The following DNAH6 variants were observed in gnomAD, a reference collection of about 807,000 sequenced individuals.
DNAH6 encodes the protein axonemal beta dynein heavy chain 6.
A neutral mutation model predicts 491.4 loss-of-function variants in DNAH6; 340 were observed. The observed-to-expected ratio is 0.69, with a 90% confidence interval of 0.63 to 0.76. The LOEUF (loss-of-function observed/expected upper bound fraction) is 0.76, where lower values mean the gene tolerates loss of function less well. Among genes scored for constraint, DNAH6 ranks in the 30% least tolerant of loss-of-function variants. The pLI is 0.00. For synonymous variants in DNAH6, 1,603 were observed against 1,686.1 expected, an observed-to-expected ratio of 0.95 and a Z score of 1.21; for missense variants, 4,443 against 4,972.2, an observed-to-expected ratio of 0.89 and a Z score of 3.20.
the DNAH6 span, among the ~76,000 whole-genome samples, chr2:84,509,037 A>G: frequency 3.3e-5 from 5 of 152,126 alleles, no homozygotes; most frequent in African/African-American, 1.2e-4. Flanking sequence ...AGAAGAATGT[A>G]TATTCTGTTG....
chr2:84,578,204 T>A (rs1276372472), intron 13 of DNAH6, among the ~76,000 whole-genome samples: 2 of 152,120 alleles, frequency 1.3e-5, no homozygotes, highest in Non-Finnish European at 2.9e-5. Flanking sequence ...GTGCTAGTAT[T>A]TTCTGTTATT....
At chr2:84,746,562 G>A (rs1672996338) in intron 63 of DNAH6, among the ~76,000 whole-genome samples, 1 of 152,144 alleles carries the variant, frequency 6.6e-6, no homozygotes, top group African/African-American at 2.4e-5. Context: ...GATTTGATTG[G>A]TGAGTTTCAG....
intron 15 of DNAH6, among the ~76,000 whole-genome samples, chr2:84,586,055 A>G (rs1683507507): frequency 6.6e-6 from 1 of 152,212 alleles, no homozygotes; most frequent in African/African-American, 2.4e-5. Context: ...AGATCAGAGA[A>G]GATCAAAGAA....
At chr2:84,743,529 A>G (rs146917572) in intron 62 of DNAH6, among the ~76,000 whole-genome samples, 2 of 152,222 alleles carry the variant, frequency 1.3e-5, no homozygotes, top group Non-Finnish European at 2.9e-5. Context: ...TATTTAAAAT[A>G]TACATTATTA....
At chr2:84,775,833 G>A (rs992096999) in intron 64 of DNAH6, among the ~76,000 whole-genome samples, 1 of 151,988 alleles carries the variant, frequency 6.6e-6, no homozygotes, top group African/African-American at 2.4e-5. Flanking sequence ...AGGATCTTTT[G>A]TATTTCTGTA....
intron 31 of DNAH6, among the ~76,000 whole-genome samples, chr2:84,638,398 A>C (rs1392714023): frequency 3.3e-5 from 5 of 152,028 alleles, no homozygotes; most frequent in Non-Finnish European, 7.4e-5. Flanking sequence ...CAGCTCAGTG[A>C]ATTCTTACAC....
the DNAH6 span, among the ~76,000 whole-genome samples, chr2:84,493,855 G>A: frequency 6.6e-6 from 1 of 152,214 alleles, no homozygotes; most frequent in African/African-American, 2.4e-5. Flanking sequence ...AAGGATAACT[G>A]ATATGAAACT....
Position 84,701,346 on chromosome 2 carries a change from T to C in DNAH6, c.8061+7T>C. On this transcript the variant is annotated splice_region_variant and intron_variant, in intron 49 of 76. Coordinates refer to ENST00000389394, the MANE Select transcript of DNAH6 (RefSeq NM_001370.2). Reference sequence around the variant, plus strand: ...AAGGAAGCAGATTATTTCAGTAGGTTCAATATTATCCATGAAAATATTGTT... The same window carrying C: ...AAGGAAGCAGATTATTTCAGTAGGTCCAATATTATCCATGAAAATATTGTT... The C allele has an allele frequency of 6.5e-7, 1 of 1,540,384 alleles. No individual in the cohort carries two copies. Among genetic ancestry groups the C allele is most frequent in the Non-Finnish European group, 8.8e-7 (1 of 1,138,626 alleles).
At position 84,706,953 on chromosome 2, in the gene DNAH6, G is replaced by A. The variant is rs1245798010; in HGVS notation, c.8785G>A (p.Val2929Ile). 6.5e-7 allele frequency: 1 copy of A among 1,544,754 alleles called. No individual in the cohort carries two copies. The highest frequency in any genetic ancestry group is 8.7e-7 in the Non-Finnish European group (1 of 1,145,718). ...AGAAAAGCAAGCATTACTAAGACAA[G>A]TAGAAGATCAAATACAGGCCTTACA... ...LREKQALLRQVEDQIQALQDE... is the reference protein window; with the variant it reads ...LREKQALLRQIEDQIQALQDE... The change falls in exon 53 of 77, where the codon GTA becomes ATA. Residue 2929 changes from valine to isoleucine, a missense_variant. By Grantham distance (29) the Val-to-Ile change is conservative (BLOSUM62 3). Transcript: ENST00000389394.
At chr2:84,667,646 T>G (rs573987700) in intron 37 of DNAH6, among the ~76,000 whole-genome samples, 1 of 152,206 alleles carries the variant, frequency 6.6e-6, no homozygotes, top group Non-Finnish European at 1.5e-5. Flanking sequence ...TTGGTGGGAC[T>G]GTAAACTAGT....
At chr2:84,475,192 G>T in the DNAH6 span, among the ~76,000 whole-genome samples, 1 of 152,166 alleles carries the variant, frequency 6.6e-6, no homozygotes, top group Non-Finnish European at 1.5e-5. Context: ...CTCCCATGGG[G>T]ACCTTTTTTG....
At chr2:84,598,150 T>TCTTTCTTC (rs1449043518) in intron 18 of DNAH6, among the ~76,000 whole-genome samples, 1 of 61,760 alleles carries the variant, frequency 1.6e-5, no homozygotes, top group African/African-American at 4.1e-5. Context: ...TTTCTTTCTT[T>TCTTTCTTC]CTTTCTTTCT....
intron 39 of DNAH6, 105 bp from the exon 40 acceptor site, chr2:84,672,222 A>G: frequency 2.5e-6 from 3 of 1,177,388 alleles, no homozygotes; most frequent in Non-Finnish European, 3.5e-6. Flanking sequence ...TGAGCTCTTT[A>G]TGACCTGTAG....
At chr2:84,656,652 G>T (rs542228711) in intron 35 of DNAH6, among the ~76,000 whole-genome samples, 1 of 151,924 alleles carries the variant, frequency 6.6e-6, no homozygotes, top group Non-Finnish European at 1.5e-5. Context: ...TCTTATTGTT[G>T]AATTTTAAGA....
chr2:84,715,541 C>T lies in DNAH6; in HGVS notation c.9544-19C>T. 1.9e-6 allele frequency: 3 copies of T among 1,550,624 alleles called. No individual in the cohort carries two copies. The highest frequency in any genetic ancestry group is 2.6e-6 in the Non-Finnish European group (3 of 1,146,296). On this transcript the variant is annotated intron_variant, in intron 57 of 76. Transcript: ENST00000389394. ...GTTTGCACTTAAGCATTTTTATGCACTCTGTGCTTCTCTTCCAGGTATGCA... is the reference window on the plus strand; with the variant it reads ...GTTTGCACTTAAGCATTTTTATGCATTCTGTGCTTCTCTTCCAGGTATGCA...
the DNAH6 span, among the ~76,000 whole-genome samples, chr2:84,481,826 A>G: frequency 1.3e-5 from 2 of 152,244 alleles, no homozygotes; most frequent in African/African-American, 2.4e-5. Flanking sequence ...CTCAGGCAGC[A>G]TTGCTGAGCA....
intron 64 of DNAH6, among the ~76,000 whole-genome samples, chr2:84,764,306 A>G (rs762266352): frequency 2.6e-5 from 4 of 152,186 alleles, no homozygotes; most frequent in Non-Finnish European, 5.9e-5. Flanking sequence ...AACAACCCAA[A>G]AGGAATAAAG....
intron 33 of DNAH6, among the ~76,000 whole-genome samples, chr2:84,650,199 T>G (rs915523198): frequency 6.6e-6 from 1 of 152,222 alleles, no homozygotes; most frequent in Non-Finnish European, 1.5e-5. Context: ...GGCAAATGTG[T>G]GACATTTTCA....
At chr2:84,685,024 A>G (rs1298643537) in intron 42 of DNAH6, among the ~76,000 whole-genome samples, 1 of 152,214 alleles carries the variant, frequency 6.6e-6, no homozygotes, top group Non-Finnish European at 1.5e-5. Context: ...TTCACTTAAC[A>G]TATTGCAATT....
Sources: gnomAD v4.1 joint callset for allele counts (sites outside exome capture counted in the v4.1 genomes callset) on GRCh38, gnomAD v4.1.1 for gene constraint, MANE v1.5 for transcripts, NCBI Gene and HGNC (gene_info 2026-07-23, HGNC 2026-07-21) for gene names.